Variants in KAT6B observed in about 807,000 individuals in gnomAD.
KAT6B encodes the protein lysine acetyltransferase 6B.
KAT6B carries 10 observed loss-of-function variants against 187.5 expected under a neutral mutation model. That is an observed-to-expected ratio of 0.05 (90% CI 0.03 to 0.09). The LOEUF is 0.09. Among genes scored for constraint, KAT6B ranks in the 10% least tolerant of loss-of-function variants. The pLI, the probability that KAT6B is intolerant of heterozygous loss-of-function variation, is 1.00. For missense variants in KAT6B, 1,952 were observed against 2,558.9 expected (o/e 0.76, Z 5.12); for synonymous variants, 861 against 926.8 (o/e 0.93, Z 1.29).
chr10:74,882,395 C>T (rs1844915196), intron 3 of KAT6B, among the ~76,000 whole-genome samples: 1 of 152,180 alleles, frequency 6.6e-6, no homozygotes, highest in African/African-American at 2.4e-5. Flanking sequence ...CATTCCTGTG[C>T]CTATCAGTTC....
rs75371151 is a variant in KAT6B, at chr10:74,898,453, A to AT, written c.621+54987dup. On this transcript the variant is annotated intron_variant, in intron 3 of 17. Transcript: ENST00000287239. ...GGGTCTTCACTGCCTTCTTTCTACAATTTTTTTTTTTTAAGGGAATAGGGT... is the reference window on the plus strand; with the variant it reads ...GGGTCTTCACTGCCTTCTTTCTACAATTTTTTTTTTTTTAAGGGAATAGGGT... 4.6e-3 allele frequency among the ~76,000 whole-genome samples: 679 copies of AT among 146,162 alleles called. 7 individuals carry two copies. Among genetic ancestry groups the AT allele is most frequent in the African/African-American group, 0.014 (543 of 40,174 alleles).
In KAT6B at chr10:74,964,787, G is replaced by A. The variant is rs149140240; in HGVS notation, c.730+4709G>A. On this transcript the variant is annotated intron_variant, in intron 4 of 17. Coordinates refer to ENST00000287239, the MANE Select transcript of KAT6B (RefSeq NM_012330.4). Reference sequence around the variant, plus strand: ...ATATTCAGCAAGTGGCACACCGTTCGCTACTCACTCAGTTACACAAACTAG... The same window carrying A: ...ATATTCAGCAAGTGGCACACCGTTCACTACTCACTCAGTTACACAAACTAG... 2.0e-5 allele frequency among the ~76,000 whole-genome samples: 3 copies of A among 152,272 alleles called. No homozygotes were observed. In the East Asian group the frequency reaches 5.8e-4, roughly 29 times the overall value.
chr10:74,894,512 T>A (rs1033369160), intron 3 of KAT6B, among the ~76,000 whole-genome samples: 1 of 152,216 alleles, frequency 6.6e-6, no homozygotes, highest in Non-Finnish European at 1.5e-5. Flanking sequence ...GTGCAACAGA[T>A]CTTTAGAGTT....
intron 3 of KAT6B, among the ~76,000 whole-genome samples, chr10:74,881,328 C>A (rs189151521): frequency 6.6e-6 from 1 of 152,070 alleles, no homozygotes; most frequent in Non-Finnish European, 1.5e-5. Context: ...TCAGAGTTGT[C>A]CCCAGTTGGC....
Position 75,020,521 on chromosome 10 carries a change from T to C in KAT6B, c.2630-61T>C, listed in dbSNP as rs189172339. 5.3e-5 allele frequency: 61 copies of C among 1,148,156 alleles called. No homozygotes were observed. The East Asian group carries it at 1.2e-3, about 23-fold the overall frequency. 71.1% of individuals were successfully genotyped at this position (1,148,156 alleles called of 1,614,324 possible). ...CACTACTCATATTATTTCTAGTGGC[T>C]CCTGTTCTAAGCTCTGGGAATGCCA... On this transcript the variant is annotated intron_variant, in intron 13 of 17. Transcript: ENST00000287239.
upstream of KAT6B, among the ~76,000 whole-genome samples, chr10:74,825,918 G>A (rs979915556): frequency 6.6e-6 from 1 of 151,488 alleles, no homozygotes; most frequent in African/African-American, 2.4e-5. This position sits in a 1 kb window ranked among gnomAD's most constrained non-coding sequence, Gnocchi z 5.0. Flanking sequence ...CGCCCGGGAC[G>A]GGACGGGACG....
intron 13 of KAT6B, among the ~76,000 whole-genome samples, chr10:75,011,236 G>T (rs1178397628): frequency 2.0e-5 from 3 of 151,836 alleles, no homozygotes; most frequent in African/African-American, 7.3e-5. Context: ...TATAAGAGAG[G>T]AAATAATTTT....
intron 13 of KAT6B, among the ~76,000 whole-genome samples, chr10:75,014,201 G>GC (rs2134090094): frequency 6.6e-6 from 1 of 152,282 alleles, no homozygotes; most frequent in African/African-American, 2.4e-5. Context: ...CAAGCTGGGT[G>GC]CAGTGGCTCA....
chr10:74,984,850 A>AT, intron 11 of KAT6B: 1 of 525,968 alleles, frequency 1.9e-6, no homozygotes, highest in South Asian at 2.1e-5. Flanking sequence ...TTAAAGAGAA[A>AT]TTTTAACTAC....
chr10:74,872,261 G>A (rs968742468), intron 3 of KAT6B, among the ~76,000 whole-genome samples: 11 of 152,202 alleles, frequency 7.2e-5, no homozygotes, highest in Admixed American at 5.9e-4. Context: ...AGGCACATGG[G>A]CTCCCATCCT....
In KAT6B at chr10:75,029,792, A is replaced by G. The variant is rs1348395675; in HGVS notation, c.4968A>G (p.Ser1656=). Reference sequence around the variant, plus strand: ...CCATGATGGATGTCCCATCAGTTTCAGATCATTCACAGCAAGTCGTAGACA... The same window carrying G: ...CCATGATGGATGTCCCATCAGTTTCGGATCATTCACAGCAAGTCGTAGACA... ...TSPMMDVPSV[S]DHSQQVVDSG... is the part of the protein sequence containing the mutation. Residue 1656 remains serine (S), a synonymous_variant, in exon 18 of 18, where the codon TCA becomes TCG. Transcript: ENST00000287239. This position sits in a 1 kb window ranked among gnomAD's most constrained non-coding sequence, Gnocchi z 6.2. 42 of 1,614,114 alleles carry G rather than the reference A, an allele frequency of 2.6e-5. No individual in the cohort carries two copies. The highest frequency in any genetic ancestry group is 3.5e-5 in the Non-Finnish European group (41 of 1,180,044).
intron 4 of KAT6B, among the ~76,000 whole-genome samples, chr10:74,963,759 C>T (rs1841265861): frequency 6.6e-6 from 1 of 152,130 alleles, no homozygotes; most frequent in Non-Finnish European, 1.5e-5. Flanking sequence ...TTCACATTGA[C>T]TAGATGCAGA....
At chr10:74,895,416 A>G (rs1211183401) in intron 3 of KAT6B, among the ~76,000 whole-genome samples, 1 of 151,880 alleles carries the variant, frequency 6.6e-6, no homozygotes, top group East Asian at 1.9e-4. Flanking sequence ...AATACTGAAA[A>G]GTTTAGGAAA....
intron 3 of KAT6B, among the ~76,000 whole-genome samples, chr10:74,925,656 A>G (rs1848445456): frequency 6.6e-6 from 1 of 152,148 alleles, no homozygotes; most frequent in African/African-American, 2.4e-5. Context: ...AAGTTGATGT[A>G]TAGGAGGATA....
chr10:75,028,461 T>G lies in KAT6B; in HGVS notation c.3665-28T>G, dbSNP rs199962466. On this transcript the variant is annotated intron_variant, in intron 17 of 17. Coordinates refer to ENST00000287239, the MANE Select transcript of KAT6B (RefSeq NM_012330.4). ...TTATGCTTTCTAAGACTGTTTTTTTTCCTTCCCGTTTTTGTCTCTTCACTA... is the reference window on the plus strand; with the variant it reads ...TTATGCTTTCTAAGACTGTTTTTTTGCCTTCCCGTTTTTGTCTCTTCACTA... 49 of 1,614,124 alleles carry G rather than the reference T, an allele frequency of 3.0e-5. No individual in the cohort carries two copies. In the African/African-American group the frequency reaches 6.3e-4, roughly 21 times the overall value.
upstream of KAT6B, among the ~76,000 whole-genome samples, chr10:74,825,872 G>C (rs1564888064): frequency 6.6e-6 from 1 of 151,848 alleles, no homozygotes; most frequent in Non-Finnish European, 1.5e-5. This position sits in a 1 kb window ranked among gnomAD's most constrained non-coding sequence, Gnocchi z 5.0. Context: ...GTGTGTTGGG[G>C]GGGGAAGGAT....
At chr10:74,977,279 G>A (rs765084126) in intron 8 of KAT6B, 37 bp from the exon 9 acceptor site, 18 of 1,607,702 alleles carry the variant, frequency 1.1e-5, no homozygotes, top group Non-Finnish European at 1.4e-5. Context: ...CATGATTCAA[G>A]TCAGTGAATA....
At chr10:74,919,184 C>G (rs983788392) in intron 3 of KAT6B, among the ~76,000 whole-genome samples, 1 of 152,110 alleles carries the variant, frequency 6.6e-6, no homozygotes, top group African/African-American at 2.4e-5. Flanking sequence ...GATCGCACCA[C>G]TTCACTCCAG....
intron 3 of KAT6B, among the ~76,000 whole-genome samples, chr10:74,933,802 A>G (rs2133203574): frequency 6.6e-6 from 1 of 152,300 alleles, no homozygotes; most frequent in South Asian, 2.1e-4. Flanking sequence ...CTGGTGACAT[A>G]GGTAGACAAC....
Sources: allele counts gnomAD v4.1 joint callset (sites outside exome capture counted in the v4.1 genomes callset), GRCh38; gene constraint gnomAD v4.1.1; non-coding constraint Gnocchi (gnomAD v3.1); transcripts MANE v1.5; gene names NCBI Gene and HGNC (gene_info 2026-07-23, HGNC 2026-07-21).